Variants in SIGLECL1 observed in about 807,000 individuals in gnomAD.
SIGLECL1 encodes SIGLEC family-like protein 1.
SIGLECL1 carries 16 observed loss-of-function variants against 19.1 expected under a neutral mutation model. The ratio of observed to expected loss-of-function variants is 0.84; its 90% confidence interval spans 0.57 to 1.27. The LOEUF (loss-of-function observed/expected upper bound fraction) is 1.27. Among genes scored for constraint, SIGLECL1 ranks in the 50% most tolerant of loss-of-function variants. The pLI is 0.00. For missense variants in SIGLECL1, 210 were observed against 239.4 expected, an observed-to-expected ratio of 0.88 and a Z score of 0.81; for synonymous variants, 89 against 90.4, an observed-to-expected ratio of 0.98 and a Z score of 0.09.
upstream of SIGLECL1, among the ~76,000 whole-genome samples, chr19:51,247,559 C>A (rs1344326299): frequency 1.3e-5 from 2 of 152,090 alleles, no homozygotes; most frequent in African/African-American, 4.8e-5. Context: ...GCTGGGACTA[C>A]AGGTGCCTGC....
At chr19:51,262,798 ATT>A (rs1202167976) in intron 1 of SIGLECL1, among the ~76,000 whole-genome samples, 1 of 152,120 alleles carries the variant, frequency 6.6e-6, no homozygotes, top group Non-Finnish European at 1.5e-5. Flanking sequence ...ATGTATAGGT[ATT>A]TTTCTAACCA....
In SIGLECL1 at chr19:51,262,944, G is replaced by A. The variant is rs564972308; in HGVS notation, c.-190-939G>A. On this transcript the variant is annotated intron_variant, in intron 1 of 5. Transcript: ENST00000601727. ...ATAAAGTCTTACTCTGTAGCCCAAA[G>A]CTACAGTGCAGTGGCGTGATCACGG... Among the ~76,000 whole-genome samples, 21 of 152,274 alleles carry A rather than the reference G, an allele frequency of 1.4e-4. No homozygotes were observed. In the South Asian group the frequency reaches 3.9e-3, roughly 29 times the overall value.
At chr19:51,259,698 T>C (rs1983073733) in intron 1 of SIGLECL1, among the ~76,000 whole-genome samples, 2 of 152,302 alleles carry the variant, frequency 1.3e-5, no homozygotes, top group Admixed American at 6.5e-5. Flanking sequence ...GGAAAAACAC[T>C]GTAGTAAGGA....
At chr19:51,258,840 G>T (rs1357196694) in intron 1 of SIGLECL1, among the ~76,000 whole-genome samples, 4 of 152,196 alleles carry the variant, frequency 2.6e-5, no homozygotes, top group South Asian at 4.1e-4. Flanking sequence ...TAGAAATTAG[G>T]TGGAGCAGTG....
At chr19:51,257,107 C>G (rs1462678133) in intron 1 of SIGLECL1, among the ~76,000 whole-genome samples, 1 of 152,070 alleles carries the variant, frequency 6.6e-6, no homozygotes, top group Non-Finnish European at 1.5e-5. Flanking sequence ...CCACCACCAG[C>G]TTAATATTGA....
Position 51,262,816 on chromosome 19 carries a change from C to T in SIGLECL1, c.-190-1067C>T, listed in dbSNP as rs148675411. ...TATAGGTATTTTTCTAACCATATAGCCTGTCCCATTGGTATTTTTATTTAT... is the reference window on the plus strand; with the variant it reads ...TATAGGTATTTTTCTAACCATATAGTCTGTCCCATTGGTATTTTTATTTAT... On this transcript the variant is annotated intron_variant, in intron 1 of 5. Transcript: ENST00000601727. Among the ~76,000 whole-genome samples, 756 of 152,262 alleles carry T rather than the reference C, an allele frequency of 5.0e-3. 4 individuals carry two copies. The highest frequency in any genetic ancestry group is 0.017 in the African/African-American group (721 of 41,536).
chr19:51,250,874 T>C (rs1464752301), upstream of SIGLECL1, among the ~76,000 whole-genome samples: 2 of 152,208 alleles, frequency 1.3e-5, no homozygotes, highest in Non-Finnish European at 2.9e-5. Flanking sequence ...GGCACACGCC[T>C]GTGGGCACAA....
Position 51,268,741 on chromosome 19 carries a change from C to T in SIGLECL1, c.*144C>T. 1.4e-6 allele frequency: 1 copy of T among 696,120 alleles called. No individual in the cohort carries two copies. The highest frequency in any genetic ancestry group is 2.4e-6 in the Non-Finnish European group (1 of 411,194). 43.1% of individuals were successfully genotyped at this position (696,120 alleles called of 1,614,324 possible). On this transcript the variant is annotated 3_prime_UTR_variant, in exon 6 of 6. Transcript: ENST00000601727. ...CTCTCCTCAGCTCACAAAACCCTCT[C>T]AATTCCTACACATCCCTTAACACTC...
chr19:51,268,729 A>C lies in SIGLECL1; in HGVS notation c.*132A>C. The C allele has an allele frequency of 7.6e-6, 6 of 787,480 alleles. No individual in the cohort carries two copies. Among genetic ancestry groups the C allele is most frequent in the African/African-American group, 1.7e-5 (1 of 57,394 alleles). The allele number at this position is 787,480 out of a possible 1,614,324, so 48.8% of individuals were successfully genotyped here. On this transcript the variant is annotated 3_prime_UTR_variant, in exon 6 of 6. Coordinates refer to ENST00000601727, the MANE Select transcript of SIGLECL1 (RefSeq NM_001385465.1). ...GAGCCCCCTGGACTCTCCTCAGCTC[A>C]CAAAACCCTCTCAATTCCTACACAT... is the stretch of plus-strand genomic sequence containing the variant.
At chr19:51,246,807 C>G (rs781518171), upstream of SIGLECL1, among the ~76,000 whole-genome samples, 1 of 152,116 alleles carries the variant, frequency 6.6e-6, no homozygotes, top group Non-Finnish European at 1.5e-5. Flanking sequence ...TGAAGGAACT[C>G]CCCAAACCTC....
chr19:51,266,437 C>G (rs1983672145), intron 4 of SIGLECL1, among the ~76,000 whole-genome samples: 1 of 150,342 alleles, frequency 6.7e-6, no homozygotes. Context: ...ATATATGAAA[C>G]ATAAATGAAT....
At chr19:51,255,057 T>C (rs111386427) in intron 1 of SIGLECL1, among the ~76,000 whole-genome samples, 17,313 of 151,688 alleles carry the variant, frequency 0.11, 3,312 homozygotes, top group African/African-American at 0.4. Flanking sequence ...GCCAGGAGTT[T>C]GAGACCAGTC....
chr19:51,253,531 G>A (rs558022705), intron 1 of SIGLECL1, among the ~76,000 whole-genome samples: 1 of 152,298 alleles, frequency 6.6e-6, no homozygotes, highest in South Asian at 2.1e-4. Context: ...AGTCTCTGAA[G>A]CAGGCTGACA....
At chr19:51,255,483 C>G (rs1251683966) in intron 1 of SIGLECL1, among the ~76,000 whole-genome samples, 1 of 152,042 alleles carries the variant, frequency 6.6e-6, no homozygotes, top group Non-Finnish European at 1.5e-5. Flanking sequence ...AGGAAACAAT[C>G]AACAGAGTGA....
At position 51,267,454 on chromosome 19, in the gene SIGLECL1, AG is replaced by A; in HGVS notation, c.493del (p.Glu165AsnfsTer6). 6.2e-7 allele frequency: 1 copy of A among 1,614,248 alleles called. No individual in the cohort carries two copies. The highest frequency in any genetic ancestry group is 8.5e-7 in the Non-Finnish European group (1 of 1,180,048). On this transcript the variant is annotated frameshift_variant, in exon 5 of 6. Coordinates refer to ENST00000601727, the MANE Select transcript of SIGLECL1 (RefSeq NM_001385465.1). LOFTEE classifies it high-confidence loss of function. ...AGAGCTCTAAAGTCAGAGCAAGCCAAGAACTTGAGATGTCTCTGAAGCCTGA... is the reference window on the plus strand; with the variant it reads ...AGAGCTCTAAAGTCAGAGCAAGCCAAAACTTGAGATGTCTCTGAAGCCTGA... ...KKSSKVRASQ[E>X]LEMSLKPEEP...
At chr19:51,257,134 C>T (rs931582987) in intron 1 of SIGLECL1, among the ~76,000 whole-genome samples, 4 of 152,080 alleles carry the variant, frequency 2.6e-5, no homozygotes, top group East Asian at 1.9e-4. Flanking sequence ...TGGCTGGGCA[C>T]GGTAGCTCAC....
chr19:51,255,404 G>A (rs911442206), intron 1 of SIGLECL1, among the ~76,000 whole-genome samples: 1 of 152,032 alleles, frequency 6.6e-6, no homozygotes, highest in Admixed American at 6.6e-5. Context: ...GGATATTTCT[G>A]CAAAAACACA....
At chr19:51,255,257 T>A in intron 1 of SIGLECL1, among the ~76,000 whole-genome samples, 1 of 138,454 alleles carries the variant, frequency 7.2e-6, no homozygotes. Flanking sequence ...GGGGACCCTG[T>A]CTCAAGAAAA....
Position 51,253,117 on chromosome 19 carries a change from A to C in SIGLECL1, c.-191+1572A>C, listed in dbSNP as rs559354922. Among the ~76,000 whole-genome samples the C allele has an allele frequency of 4.8e-3, 698 of 145,528 alleles. 5 individuals carry two copies. Among genetic ancestry groups the C allele is most frequent in the African/African-American group, 0.017 (657 of 38,202 alleles). Reference sequence around the variant, plus strand: ...ACTCCAGACCCTGTGTTAAAAAAAAACAAAAAAAAAGTGGTTCCAAGTTAA... The same window carrying C: ...ACTCCAGACCCTGTGTTAAAAAAAACCAAAAAAAAAGTGGTTCCAAGTTAA... On this transcript the variant is annotated intron_variant, in intron 1 of 5. Transcript: ENST00000601727.
Sources: allele counts gnomAD v4.1 joint callset (sites outside exome capture counted in the v4.1 genomes callset), GRCh38; gene constraint gnomAD v4.1.1; transcripts MANE v1.5; gene names NCBI Gene and HGNC (gene_info 2026-07-23, HGNC 2026-07-21).